The following SPIDR variants were observed in gnomAD, a reference collection of about 807,000 sequenced individuals.
SPIDR encodes DNA repair-scaffolding protein.
In SPIDR, 93 loss-of-function variants were observed where a neutral mutation model predicts 104.6. That is an observed-to-expected ratio of 0.89 (90% CI 0.75 to 1.06). The LOEUF (loss-of-function observed/expected upper bound fraction) is 1.06, where lower values mean the gene tolerates loss of function less well. Among genes scored for constraint, SPIDR ranks in the 50% least tolerant of loss-of-function variants. The pLI, the probability that SPIDR is intolerant of heterozygous loss-of-function variation, is 0.00. For missense variants in SPIDR, 1,154 were observed against 1,111.2 expected (o/e 1.04, Z -0.55); for synonymous variants, 431 against 416.9 (o/e 1.03, Z -0.41).
chr8:47,532,743 A>G (rs1003317433), intron 8 of SPIDR, among the ~76,000 whole-genome samples: 6 of 152,268 alleles, frequency 3.9e-5, no homozygotes, highest in African/African-American at 1.4e-4. Context: ...GCAGAACTCA[A>G]TAAAGGCATT....
intron 8 of SPIDR, among the ~76,000 whole-genome samples, chr8:47,537,641 G>A (rs748422480): frequency 3.9e-5 from 6 of 152,160 alleles, no homozygotes; most frequent in Admixed American, 3.9e-4. Context: ...GTGTCATTAT[G>A]CATTTGCCAA....
chr8:47,350,375 G>T (rs568286095), intron 5 of SPIDR, among the ~76,000 whole-genome samples: 1 of 152,098 alleles, frequency 6.6e-6, no homozygotes, highest in Non-Finnish European at 1.5e-5. Flanking sequence ...GTACAGTGGC[G>T]CAATCTCGGC....
At chr8:47,445,133 G>A (rs2070308664) in intron 8 of SPIDR, among the ~76,000 whole-genome samples, 1 of 152,186 alleles carries the variant, frequency 6.6e-6, no homozygotes, top group East Asian at 1.9e-4. Context: ...TTTTTTGCTT[G>A]TATAGCACTA....
chr8:47,538,875 T>TC (rs2087504469), intron 8 of SPIDR, among the ~76,000 whole-genome samples: 1 of 145,764 alleles, frequency 6.9e-6, no homozygotes. Flanking sequence ...TTTTTTTTTT[T>TC]TTTGAGACAG....
At chr8:47,473,821 G>T (rs551963118) in intron 8 of SPIDR, among the ~76,000 whole-genome samples, 94 of 152,282 alleles carry the variant, frequency 6.2e-4, no homozygotes, top group African/African-American at 2.0e-3. Flanking sequence ...ACCAGGAGGA[G>T]GATGGGAATT....
intron 8 of SPIDR, among the ~76,000 whole-genome samples, chr8:47,542,375 T>A (rs909917192): frequency 2.0e-5 from 3 of 151,842 alleles, no homozygotes; most frequent in Non-Finnish European, 4.4e-5. Context: ...ATGCCCAGAG[T>A]TGCGTGAGTG....
At chr8:47,512,836 C>T (rs1057201176) in intron 8 of SPIDR, among the ~76,000 whole-genome samples, 16 of 152,256 alleles carry the variant, frequency 1.1e-4, no homozygotes, top group East Asian at 9.6e-4. Flanking sequence ...CATTCCGATG[C>T]GGCACGAATG....
At chr8:47,460,173 A>G (rs1441099479) in intron 8 of SPIDR, among the ~76,000 whole-genome samples, 1 of 152,054 alleles carries the variant, frequency 6.6e-6, no homozygotes, top group African/African-American at 2.4e-5. Context: ...CATAGTTTAA[A>G]TCCATTGTTT....
At chr8:47,327,391 C>CTTT (rs375122007) in intron 5 of SPIDR, among the ~76,000 whole-genome samples, 3 of 132,612 alleles carry the variant, frequency 2.3e-5, no homozygotes, top group Non-Finnish European at 3.3e-5. Flanking sequence ...GGTTTTTTCA[C>CTTT]TTTTTTTTTT....
At chr8:47,362,157 G>A (rs1314637517) in intron 5 of SPIDR, among the ~76,000 whole-genome samples, 1 of 152,208 alleles carries the variant, frequency 6.6e-6, no homozygotes, top group Non-Finnish European at 1.5e-5. Context: ...ACTCATTTGA[G>A]GTCAGCTCAG....
At chr8:47,722,708 A>G (rs1192122371) in intron 16 of SPIDR, among the ~76,000 whole-genome samples, 1 of 152,202 alleles carries the variant, frequency 6.6e-6, no homozygotes, top group African/African-American at 2.4e-5. Flanking sequence ...AAATCATTCT[A>G]TACAAGTTGA....
At chr8:47,442,573 T>C (rs782555477) in intron 8 of SPIDR, among the ~76,000 whole-genome samples, 7 of 152,208 alleles carry the variant, frequency 4.6e-5, no homozygotes, top group Admixed American at 1.3e-4. Flanking sequence ...TCAGCATCTC[T>C]TACCTTGAAC....
chr8:47,477,393 G>T (rs2076410279), intron 8 of SPIDR, among the ~76,000 whole-genome samples: 1 of 152,118 alleles, frequency 6.6e-6, no homozygotes, highest in African/African-American at 2.4e-5. Context: ...ACAGAGTTTT[G>T]CCATGTTGCC....
chr8:47,439,734 A>G (rs1554695004), intron 7 of SPIDR, among the ~76,000 whole-genome samples: 1 of 152,196 alleles, frequency 6.6e-6, no homozygotes, highest in Non-Finnish European at 1.5e-5. Flanking sequence ...TAACAGTTGA[A>G]TGCCATGGAA....
intron 5 of SPIDR, among the ~76,000 whole-genome samples, chr8:47,337,234 C>G (rs2049935737): frequency 1.3e-5 from 2 of 152,060 alleles, no homozygotes; most frequent in Non-Finnish European, 2.9e-5. Flanking sequence ...TTCAACCTGA[C>G]CTTCCACCTC....
chr8:47,371,466 A>G (rs565959075), intron 5 of SPIDR, among the ~76,000 whole-genome samples: 9 of 152,272 alleles, frequency 5.9e-5, no homozygotes, highest in South Asian at 2.1e-4. Context: ...TCAGGGTGCC[A>G]GCATGGTCTG....
At chr8:47,561,612 TGTA>T (rs2057086468) in intron 8 of SPIDR, among the ~76,000 whole-genome samples, 6 of 152,222 alleles carry the variant, frequency 3.9e-5, no homozygotes, top group African/African-American at 1.4e-4. Flanking sequence ...TTGCCTCCTC[TGTA>T]CCTTTGCCAT....
intron 11 of SPIDR, among the ~76,000 whole-genome samples, chr8:47,685,384 C>A (rs1024382839): frequency 6.6e-6 from 1 of 151,904 alleles, no homozygotes; most frequent in East Asian, 1.9e-4. Context: ...TTTTTTAAAT[C>A]ATTTCTTCTC....
intron 7 of SPIDR, among the ~76,000 whole-genome samples, chr8:47,418,849 G>A (rs1259814208): frequency 1.3e-5 from 2 of 152,184 alleles, no homozygotes; most frequent in African/African-American, 4.8e-5. Context: ...TTTTGTCAAA[G>A]GGCTTTTCTA....
Sources: gnomAD v4.1 joint callset for allele counts (sites outside exome capture counted in the v4.1 genomes callset) on GRCh38, gnomAD v4.1.1 for gene constraint, MANE v1.5 for transcripts, NCBI Gene and HGNC (gene_info 2026-07-23, HGNC 2026-07-21) for gene names.